The following SGCZ variants were observed in gnomAD, a reference collection of about 807,000 sequenced individuals.
SGCZ encodes sarcoglycan zeta.
SGCZ carries 40 observed loss-of-function variants against 41.3 expected under a neutral mutation model. The observed-to-expected ratio is 0.97, with a 90% CI of 0.75 to 1.26. SGCZ has a LOEUF of 1.26. Among genes scored for constraint, SGCZ ranks in the 50% most tolerant of loss-of-function variants. SGCZ has a pLI of 0.00. For synonymous variants in SGCZ, 206 were observed against 137.5 expected, an observed-to-expected ratio of 1.50 and a Z score of -3.49; for missense variants, 552 against 369.8, an observed-to-expected ratio of 1.49 and a Z score of -4.04.
rs200263075 is a variant in SGCZ at position 14,247,187 on chromosome 8, G to A, written c.337-9508C>T. ...ATTGAGAATTTCCCCATTTGGTTTA[G>A]TCACGGTTATGAATTAGCTAGTCAT... On this transcript the variant is annotated intron_variant, in intron 3 of 7. Coordinates refer to ENST00000382080, the MANE Select transcript of SGCZ (RefSeq NM_139167.4). Among the ~76,000 whole-genome samples the A allele has an allele frequency of 6.7e-3, 1,014 of 152,192 alleles. 36 individuals carry two copies. The highest frequency in any genetic ancestry group is 0.051 in the Admixed American group (782 of 15,280).
chr8:14,393,605 G>T (rs553274721), intron 2 of SGCZ, among the ~76,000 whole-genome samples: 1 of 152,148 alleles, frequency 6.6e-6, no homozygotes, highest in African/African-American at 2.4e-5. Flanking sequence ...CCATCAGCTG[G>T]TCCTTTCCAC....
chr8:14,166,864 A>G (rs954279732), intron 4 of SGCZ, among the ~76,000 whole-genome samples: 4 of 152,202 alleles, frequency 2.6e-5, no homozygotes, highest in Non-Finnish European at 5.9e-5. Flanking sequence ...AAGCAAAGGC[A>G]AATAAGCAAA....
chr8:14,648,861 T>A (rs77445576), intron 1 of SGCZ, among the ~76,000 whole-genome samples: 16,471 of 152,038 alleles, frequency 0.11, 1,059 homozygotes, highest in African/African-American at 0.19. Context: ...AGGGTCAAGT[T>A]TGGTGTTTTA....
intron 1 of SGCZ, among the ~76,000 whole-genome samples, chr8:15,043,678 TA>T (rs1804193943): frequency 6.6e-6 from 1 of 152,144 alleles, no homozygotes; most frequent in South Asian, 2.1e-4. Context: ...AGTAATTTCT[TA>T]AGCTTTTCAT....
chr8:14,693,582 CTTTTTTTTTT>C (rs67757752), intron 1 of SGCZ, among the ~76,000 whole-genome samples: 2 of 61,554 alleles, frequency 3.2e-5, no homozygotes, highest in South Asian at 9.9e-4. Context: ...CCACGACTGG[CTTTTTTTTTT>C]TTTTTTTTTT....
intron 1 of SGCZ, among the ~76,000 whole-genome samples, chr8:14,782,825 G>A (rs1445394255): frequency 6.6e-6 from 1 of 152,186 alleles, no homozygotes; most frequent in Non-Finnish European, 1.5e-5. Flanking sequence ...CAGGCATATT[G>A]CAGATCTCAG....
rs866545808 is a variant in SGCZ at position 14,654,702 on chromosome 8, G to C, written c.40-99776C>G. Among the ~76,000 whole-genome samples the C allele has an allele frequency of 2.0e-5, 3 of 151,594 alleles. 1 individual carries two copies. The highest frequency in any genetic ancestry group is 4.2e-4 in the South Asian group (2 of 4,808). On this transcript the variant is annotated intron_variant, in intron 1 of 7. Coordinates refer to ENST00000382080, the MANE Select transcript of SGCZ (RefSeq NM_139167.4). ...TTCTCCTGCCTCAGCCTCCCAAGTA[G>C]CTGGGATTATAGGCACGCACCGCCA...
At chr8:14,761,554 G>C (rs1333054682) in intron 1 of SGCZ, among the ~76,000 whole-genome samples, 1 of 145,672 alleles carries the variant, frequency 6.9e-6, no homozygotes, top group Non-Finnish European at 1.5e-5. Flanking sequence ...TTTTTTGAGA[G>C]GGAGTCTCTC....
intron 1 of SGCZ, among the ~76,000 whole-genome samples, chr8:14,834,525 T>C (rs1462505178): frequency 6.6e-6 from 1 of 152,126 alleles, no homozygotes; most frequent in Non-Finnish European, 1.5e-5. Flanking sequence ...GAAAAGATGT[T>C]ACTCCTAGCA....
chr8:14,358,307 G>T (rs1803368965), intron 2 of SGCZ, among the ~76,000 whole-genome samples: 1 of 152,090 alleles, frequency 6.6e-6, no homozygotes, highest in African/African-American at 2.4e-5. Context: ...GATGCAGAAA[G>T]GGTTTAGTGA....
At chr8:14,542,203 G>T (rs1803490811) in intron 2 of SGCZ, among the ~76,000 whole-genome samples, 1 of 151,974 alleles carries the variant, frequency 6.6e-6, no homozygotes, top group African/African-American at 2.4e-5. Context: ...TGAAGTCTTT[G>T]TCCATGCCTG....
chr8:14,561,848 G>A (rs1251266979), intron 1 of SGCZ, among the ~76,000 whole-genome samples: 1 of 152,172 alleles, frequency 6.6e-6, no homozygotes, highest in African/African-American at 2.4e-5. Flanking sequence ...CTGGCAAGAT[G>A]TTATAAGGTT....
intron 1 of SGCZ, among the ~76,000 whole-genome samples, chr8:15,008,107 T>C (rs896801989): frequency 5.3e-5 from 8 of 152,208 alleles, no homozygotes; most frequent in African/African-American, 1.9e-4. Context: ...TAAGTCTTCT[T>C]ATCAAAATAA....
At chr8:14,144,115 T>C (rs920289294) in intron 5 of SGCZ, among the ~76,000 whole-genome samples, 1 of 151,954 alleles carries the variant, frequency 6.6e-6, no homozygotes, top group Non-Finnish European at 1.5e-5. Context: ...AGACAGTGGA[T>C]TGGGAGGGCA....
At chr8:14,721,348 C>G (rs776316014) in intron 1 of SGCZ, among the ~76,000 whole-genome samples, 1 of 152,110 alleles carries the variant, frequency 6.6e-6, no homozygotes, top group Non-Finnish European at 1.5e-5. Context: ...ACTTGAATGT[C>G]TAATAAAGAG....
At chr8:14,963,538 G>A (rs1801036003) in intron 1 of SGCZ, among the ~76,000 whole-genome samples, 2 of 151,986 alleles carry the variant, frequency 1.3e-5, no homozygotes, top group Admixed American at 6.6e-5. Context: ...AGTACGGACA[G>A]GGTTTCAACA....
chr8:14,591,591 T>A (rs1181363184), intron 1 of SGCZ, among the ~76,000 whole-genome samples: 6 of 152,100 alleles, frequency 3.9e-5, no homozygotes, highest in African/African-American at 2.4e-5. Flanking sequence ...TTAAGAATCA[T>A]AAGATGTTTG....
At position 14,933,654 on chromosome 8, in the gene SGCZ, G is replaced by A. The variant is rs547969509; in HGVS notation, c.39+303931C>T. Among the ~76,000 whole-genome samples the A allele has an allele frequency of 1.3e-4, 20 of 151,650 alleles. No homozygotes were observed. The South Asian group carries it at 1.5e-3, about 11-fold the overall frequency. On this transcript the variant is annotated intron_variant, in intron 1 of 7. Transcript: ENST00000382080. ...TTTTTAGTAGAGATGGGGTTCTACC[G>A]TGTTAGCCAGGATGATCTCGATCTC...
intron 1 of SGCZ, among the ~76,000 whole-genome samples, chr8:15,081,648 T>C (rs1805752319): frequency 6.6e-6 from 1 of 152,190 alleles, no homozygotes; most frequent in Non-Finnish European, 1.5e-5. Context: ...ACATTTCCAG[T>C]AGGTGTTGTG....
Sources: gnomAD v4.1 joint callset for allele counts (sites outside exome capture counted in the v4.1 genomes callset) on GRCh38, gnomAD v4.1.1 for gene constraint, MANE v1.5 for transcripts, NCBI Gene and HGNC (gene_info 2026-07-23, HGNC 2026-07-21) for gene names.